The following LRRC4C variants were observed in gnomAD, a reference collection of about 807,000 sequenced individuals.
LRRC4C encodes leucine-rich repeat-containing protein 4C.
Under a neutral mutation model 33.6 loss-of-function variants are expected in LRRC4C, and 5 were observed. The observed-to-expected ratio is 0.15, with a 90% CI of 0.08 to 0.31. LRRC4C has a LOEUF of 0.31. LRRC4C is among the 10% of genes least tolerant of loss of function. LRRC4C has a pLI of 1.00. For missense variants in LRRC4C, 560 were observed against 796.7 expected, an observed-to-expected ratio of 0.70 and a Z score of 3.58; for synonymous variants, 329 against 302.0, an observed-to-expected ratio of 1.09 and a Z score of -0.93.
intron 1 of LRRC4C, among the ~76,000 whole-genome samples, chr11:41,330,184 A>G (rs1951247870): frequency 1.3e-5 from 2 of 152,162 alleles, no homozygotes; most frequent in Non-Finnish European, 1.5e-5. Context: ...GGGTAGAGGG[A>G]AGAGCTTCTT....
At chr11:41,416,559 A>G (rs1211176222) in intron 1 of LRRC4C, among the ~76,000 whole-genome samples, 1 of 152,012 alleles carries the variant, frequency 6.6e-6, no homozygotes, top group African/African-American at 2.4e-5. Context: ...TTCTTCCTGT[A>G]CTTCATGTTA....
At chr11:40,964,626 T>C (rs1301180744) in intron 1 of LRRC4C, among the ~76,000 whole-genome samples, 3 of 150,954 alleles carry the variant, frequency 2.0e-5, no homozygotes, top group African/African-American at 4.9e-5. Flanking sequence ...CGGTGTTTGG[T>C]TTTTTGTCCT....
intron 1 of LRRC4C, among the ~76,000 whole-genome samples, chr11:41,444,184 G>GCT (rs1955746273): frequency 6.6e-6 from 1 of 152,138 alleles, no homozygotes. Flanking sequence ...AGTACAGTTG[G>GCT]CTCTCTGTAT....
intron 1 of LRRC4C, among the ~76,000 whole-genome samples, chr11:41,329,444 A>G (rs1242056937): frequency 1.3e-5 from 2 of 152,216 alleles, no homozygotes; most frequent in Non-Finnish European, 2.9e-5. Context: ...CCATAGTACC[A>G]GATTTGATTA....
At chr11:40,407,545 ATCT>A (rs1447997381) in intron 3 of LRRC4C, among the ~76,000 whole-genome samples, 2 of 152,136 alleles carry the variant, frequency 1.3e-5, no homozygotes, top group Non-Finnish European at 2.9e-5. Flanking sequence ...AGATTTCCTC[ATCT>A]TCTCCTGGAA....
intron 1 of LRRC4C, among the ~76,000 whole-genome samples, chr11:41,404,088 G>A (rs1954126674): frequency 1.3e-5 from 2 of 152,198 alleles, no homozygotes; most frequent in Non-Finnish European, 2.9e-5. Context: ...TTTTGGTGAT[G>A]CCAACAGTGG....
chr11:40,829,716 T>C (rs915616849), intron 2 of LRRC4C, among the ~76,000 whole-genome samples: 5 of 152,034 alleles, frequency 3.3e-5, no homozygotes, highest in Non-Finnish European at 7.4e-5. Context: ...CATCAAATCG[T>C]TAATATTTCT....
At chr11:40,666,845 C>T (rs1187103697) in intron 2 of LRRC4C, among the ~76,000 whole-genome samples, 1 of 152,092 alleles carries the variant, frequency 6.6e-6, no homozygotes, top group Admixed American at 6.6e-5. Flanking sequence ...GCTATCCTAG[C>T]CAGTGGTCAG....
chr11:41,429,278 T>G (rs569593772), intron 1 of LRRC4C, among the ~76,000 whole-genome samples: 1 of 152,138 alleles, frequency 6.6e-6, no homozygotes, highest in Non-Finnish European at 1.5e-5. Flanking sequence ...TGCTGAACTG[T>G]GAGTCAATTA....
chr11:40,464,376 A>G (rs912888233), intron 3 of LRRC4C, among the ~76,000 whole-genome samples: 1 of 152,036 alleles, frequency 6.6e-6, no homozygotes, highest in Non-Finnish European at 1.5e-5. Flanking sequence ...ATCATACTGC[A>G]TGAGGAAAAA....
At chr11:41,274,155 GAAGA>G in intron 1 of LRRC4C, among the ~76,000 whole-genome samples, 1 of 152,166 alleles carries the variant, frequency 6.6e-6, no homozygotes, top group Non-Finnish European at 1.5e-5. Context: ...AGAAAAGAGA[GAAGA>G]GAGAGTGGAG....
chr11:40,365,078 A>G (rs1948147039), intron 3 of LRRC4C, among the ~76,000 whole-genome samples: 1 of 151,280 alleles, frequency 6.6e-6, no homozygotes, highest in Admixed American at 6.6e-5. Context: ...ACAGAAGGAA[A>G]ATTTTACCAG....
chr11:40,361,761 A>C (rs1947962258), intron 3 of LRRC4C, among the ~76,000 whole-genome samples: 1 of 152,190 alleles, frequency 6.6e-6, no homozygotes, highest in Non-Finnish European at 1.5e-5. Flanking sequence ...AGAAAAAACT[A>C]TTTTTAAATT....
chr11:40,666,399 G>T (rs1469601197), intron 2 of LRRC4C, among the ~76,000 whole-genome samples: 1 of 152,096 alleles, frequency 6.6e-6, no homozygotes, highest in African/African-American at 2.4e-5. Context: ...AAGGAGAGAA[G>T]GTCATGTTTG....
At chr11:40,868,655 T>C (rs1409675568) in intron 2 of LRRC4C, among the ~76,000 whole-genome samples, 1 of 152,182 alleles carries the variant, frequency 6.6e-6, no homozygotes, top group Non-Finnish European at 1.5e-5. Flanking sequence ...CTTCCCTTGT[T>C]AGATCAACTA....
chr11:40,417,975 G>C (rs1950388821), intron 3 of LRRC4C, among the ~76,000 whole-genome samples: 1 of 152,182 alleles, frequency 6.6e-6, no homozygotes, highest in Non-Finnish European at 1.5e-5. Context: ...AATAAATTCT[G>C]ATGTCTGAAT....
chr11:41,234,108 GCTCATACCTCTTTGT>G (rs1591017025), intron 1 of LRRC4C, among the ~76,000 whole-genome samples: 3 of 151,844 alleles, frequency 2.0e-5, no homozygotes, highest in Non-Finnish European at 4.4e-5. Context: ...ATATCTTAGG[GCTCATACCTCTTTGT>G]CTCATACCTG....
At chr11:40,466,599 C>T (rs1489300628) in intron 3 of LRRC4C, among the ~76,000 whole-genome samples, 1 of 151,076 alleles carries the variant, frequency 6.6e-6, no homozygotes, top group African/African-American at 2.4e-5. Context: ...ATATTATTAC[C>T]ATAATTTTAC....
chr11:40,332,095 C>T (rs954201938), intron 3 of LRRC4C, among the ~76,000 whole-genome samples: 4 of 152,172 alleles, frequency 2.6e-5, no homozygotes, highest in Admixed American at 6.6e-5. Context: ...ACTGAATGCA[C>T]TTTAGCAGTA....
Sources: allele counts gnomAD v4.1 joint callset (sites outside exome capture counted in the v4.1 genomes callset), GRCh38; gene constraint gnomAD v4.1.1; transcripts MANE v1.5; gene names NCBI Gene and HGNC (gene_info 2026-07-23, HGNC 2026-07-21).